GLRA3: variants seen among roughly 807,000 people sequenced by gnomAD.
The protein encoded by GLRA3 is glycine receptor alpha 3.
In GLRA3, 44 loss-of-function variants were observed where a neutral mutation model predicts 60.4. The observed-to-expected ratio is 0.73, with a 90% CI of 0.57 to 0.94. GLRA3 has a LOEUF of 0.94. GLRA3 is among the 40% of genes least tolerant of loss of function. The pLI is 0.00. For synonymous variants in GLRA3, 223 were observed against 192.9 expected (o/e 1.16, Z -1.29); for missense variants, 508 against 564.6 (o/e 0.90, Z 1.02).
intron 1 of GLRA3, among the ~76,000 whole-genome samples, chr4:174,819,623 T>A (rs1337665459): frequency 6.6e-6 from 1 of 152,196 alleles, no homozygotes; most frequent in African/African-American, 2.4e-5. Flanking sequence ...TATTACTATT[T>A]CGGGTAGTTA....
chr4:174,750,862 A>G (rs1469447936), intron 3 of GLRA3, among the ~76,000 whole-genome samples: 1 of 152,124 alleles, frequency 6.6e-6, no homozygotes, highest in African/African-American at 2.4e-5. Flanking sequence ...ACTGGGAAAT[A>G]AAGGGCCCAG....
At chr4:174,749,277 A>G (rs1737370100) in intron 3 of GLRA3, among the ~76,000 whole-genome samples, 1 of 152,062 alleles carries the variant, frequency 6.6e-6, no homozygotes, top group Admixed American at 6.6e-5. Flanking sequence ...GCTTTCCAGT[A>G]CTTTTATAAA....
At chr4:174,751,064 T>TATCC (rs1184465389) in intron 3 of GLRA3, among the ~76,000 whole-genome samples, 80 of 123,150 alleles carry the variant, frequency 6.5e-4, no homozygotes, top group African/African-American at 2.4e-3. Flanking sequence ...TCTGTCTGTC[T>TATCC]ATCTATCTAT....
chr4:174,658,921 A>G, intron 8 of GLRA3, 133 bp downstream of exon 8: 2 of 758,910 alleles, frequency 2.6e-6, no homozygotes, highest in Non-Finnish European at 4.2e-6. Context: ...TTGGATTGGA[A>G]AAAAATGAAA....
chr4:174,812,678 A>T (rs1468088815), intron 1 of GLRA3, among the ~76,000 whole-genome samples: 1 of 152,138 alleles, frequency 6.6e-6, no homozygotes, highest in Non-Finnish European at 1.5e-5. Flanking sequence ...GTTTTTATAG[A>T]ATTATATTCT....
At chr4:174,664,153 C>T (rs1284829600) in intron 7 of GLRA3, among the ~76,000 whole-genome samples, 2 of 152,254 alleles carry the variant, frequency 1.3e-5, no homozygotes, top group Non-Finnish European at 2.9e-5. Context: ...TGTGGATTCT[C>T]TTTCTTTTCC....
intron 9 of GLRA3, among the ~76,000 whole-genome samples, chr4:174,653,229 T>C (rs1395614353): frequency 6.6e-6 from 1 of 151,986 alleles, no homozygotes; most frequent in African/African-American, 2.4e-5. Context: ...ACTTATTTTG[T>C]TGGGAAAAAT....
chr4:174,787,903 T>A (rs1739182324), intron 2 of GLRA3, among the ~76,000 whole-genome samples: 1 of 152,082 alleles, frequency 6.6e-6, no homozygotes, highest in South Asian at 2.1e-4. Context: ...TACCCAATCT[T>A]GATATTTTTT....
chr4:174,709,454 G>T (rs1735628426), intron 5 of GLRA3, among the ~76,000 whole-genome samples: 2 of 151,984 alleles, frequency 1.3e-5, no homozygotes, highest in Admixed American at 1.3e-4. Context: ...TATGCATATT[G>T]TCATGGGAAC....
At chr4:174,789,433 A>G (rs1739241835) in intron 1 of GLRA3, among the ~76,000 whole-genome samples, 1 of 152,218 alleles carries the variant, frequency 6.6e-6, no homozygotes, top group African/African-American at 2.4e-5. Context: ...CTTCAATTAG[A>G]GTGCTTCCTG....
intron 3 of GLRA3, among the ~76,000 whole-genome samples, chr4:174,736,576 C>A (rs1736798517): frequency 6.6e-6 from 1 of 152,106 alleles, no homozygotes; most frequent in Non-Finnish European, 1.5e-5. Context: ...CTATACGTGA[C>A]CTTTTGCATC....
intron 3 of GLRA3, among the ~76,000 whole-genome samples, chr4:174,743,645 T>A (rs866408100): frequency 6.6e-6 from 1 of 152,162 alleles, no homozygotes; most frequent in Non-Finnish European, 1.5e-5. Context: ...ATTAAAGAAG[T>A]ACCTGCCAGG....
chr4:174,701,116 G>C (rs1735301719), intron 5 of GLRA3, among the ~76,000 whole-genome samples: 1 of 152,174 alleles, frequency 6.6e-6, no homozygotes, highest in Non-Finnish European at 1.5e-5. Context: ...TTCATAGCTA[G>C]AGAGGAGAAG....
intron 1 of GLRA3, among the ~76,000 whole-genome samples, chr4:174,826,910 G>C (rs1740994639): frequency 6.7e-6 from 1 of 149,664 alleles, no homozygotes; most frequent in Non-Finnish European, 1.5e-5. Flanking sequence ...TCCTCTTTTG[G>C]GGGTCATCAC....
intron 3 of GLRA3, among the ~76,000 whole-genome samples, chr4:174,736,250 A>G (rs988421576): frequency 1.3e-5 from 2 of 152,186 alleles, no homozygotes; most frequent in African/African-American, 4.8e-5. Flanking sequence ...TCAAATATAC[A>G]TAACATTTAT....
At chr4:174,796,278 TAGAC>T (rs1306026122) in intron 1 of GLRA3, among the ~76,000 whole-genome samples, 1 of 152,178 alleles carries the variant, frequency 6.6e-6, no homozygotes, top group Admixed American at 6.5e-5. Context: ...GCTCTGATCT[TAGAC>T]TTCCCAGCCT....
intron 1 of GLRA3, among the ~76,000 whole-genome samples, chr4:174,821,897 A>G (rs527456706): frequency 6.6e-6 from 1 of 152,174 alleles, no homozygotes; most frequent in Non-Finnish European, 1.5e-5. Flanking sequence ...CCACTTGATA[A>G]CACAACTAAA....
chr4:174,804,252 T>C (rs1006563092), intron 1 of GLRA3, among the ~76,000 whole-genome samples: 2 of 152,022 alleles, frequency 1.3e-5, no homozygotes, highest in African/African-American at 4.8e-5. Flanking sequence ...GAACCTGTGA[T>C]GGGAAAGAGT....
chr4:174,781,896 G>A (rs1738891045), intron 2 of GLRA3, among the ~76,000 whole-genome samples: 1 of 152,142 alleles, frequency 6.6e-6, no homozygotes, highest in Non-Finnish European at 1.5e-5. Context: ...GTATAAGGAG[G>A]AGCTGGTACC....
Sources: allele counts gnomAD v4.1 joint callset (sites outside exome capture counted in the v4.1 genomes callset), GRCh38; gene constraint gnomAD v4.1.1; transcripts MANE v1.5; gene names NCBI Gene and HGNC (gene_info 2026-07-23, HGNC 2026-07-21).